JAM3: variants seen among roughly 807,000 people sequenced by gnomAD.
JAM3 encodes the protein junctional adhesion molecule 3.
Under a neutral mutation model 39.4 loss-of-function variants are expected in JAM3, and 31 were observed. The observed-to-expected ratio is 0.79, with a 90% CI of 0.59 to 1.06. JAM3 has a LOEUF of 1.06. JAM3 is among the 50% of genes least tolerant of loss of function. The pLI is 0.00. For synonymous variants in JAM3, 182 were observed against 148.7 expected, an observed-to-expected ratio of 1.22 and a Z score of -1.63; for missense variants, 455 against 391.4, an observed-to-expected ratio of 1.16 and a Z score of -1.37.
At chr11:134,076,843 T>G (rs1275058804) in intron 1 of JAM3, among the ~76,000 whole-genome samples, 2 of 149,270 alleles carry the variant, frequency 1.3e-5, no homozygotes, top group African/African-American at 4.9e-5. Flanking sequence ...CTTTTTTTTT[T>G]TTTTTTTTTT....
chr11:134,092,051 C>G (rs1784500), intron 1 of JAM3, among the ~76,000 whole-genome samples: 2 of 151,866 alleles, frequency 1.3e-5, no homozygotes, highest in Non-Finnish European at 2.9e-5. Context: ...CTCTTTTCAT[C>G]CCCTTTCGCA....
chr11:134,130,076 A>G (rs1370701031), intron 1 of JAM3, among the ~76,000 whole-genome samples: 1 of 152,194 alleles, frequency 6.6e-6, no homozygotes, highest in Non-Finnish European at 1.5e-5. Context: ...CAGAGTTTTG[A>G]AGATGGAATT....
intron 1 of JAM3, among the ~76,000 whole-genome samples, chr11:134,106,955 C>G (rs1942203102): frequency 6.6e-6 from 1 of 152,130 alleles, no homozygotes; most frequent in African/African-American, 2.4e-5. Flanking sequence ...CTAGAAATAC[C>G]TTTTGACCCA....
intron 1 of JAM3, among the ~76,000 whole-genome samples, chr11:134,117,474 G>A (rs893184030): frequency 6.6e-6 from 1 of 152,182 alleles, no homozygotes; most frequent in Admixed American, 6.5e-5. Flanking sequence ...TTTGCAGTCT[G>A]TTCTACCTCA....
At chr11:134,126,148 C>T (rs1212519859) in intron 1 of JAM3, among the ~76,000 whole-genome samples, 2 of 152,132 alleles carry the variant, frequency 1.3e-5, no homozygotes, top group Non-Finnish European at 2.9e-5. Flanking sequence ...CATAGATTTT[C>T]CTTGTGGACA....
rs28765193 is a variant in JAM3, at chr11:134,106,603, G to A, written c.77-33248G>A. ...TTTGCAATCAACTCATCTGACAAAG[G>A]GCTAATATCTAGAATCTACAAAGAA... is the stretch of plus-strand genomic sequence containing the variant. On this transcript the variant is annotated intron_variant, in intron 1 of 8. Transcript: ENST00000299106. 8.0e-3 allele frequency among the ~76,000 whole-genome samples: 1,221 copies of A among 152,202 alleles called. 11 individuals carry two copies. The highest frequency in any genetic ancestry group is 0.028 in the African/African-American group (1,145 of 41,500).
At chr11:134,134,097 T>G (rs1205268464) in intron 1 of JAM3, among the ~76,000 whole-genome samples, 1 of 151,224 alleles carries the variant, frequency 6.6e-6, no homozygotes, top group Non-Finnish European at 1.5e-5. Context: ...ACACTAGAGA[T>G]AAAAAAAACT....
At chr11:134,139,624 G>C (rs773985610) in intron 1 of JAM3, 100 of 559,076 alleles carry the variant, frequency 1.8e-4, no homozygotes, top group Non-Finnish European at 3.0e-4. Flanking sequence ...AAAGGAGAAG[G>C]AATTCTTAGA....
At chr11:134,096,152 T>A (rs1941978878) in intron 1 of JAM3, among the ~76,000 whole-genome samples, 1 of 152,124 alleles carries the variant, frequency 6.6e-6, no homozygotes, top group African/African-American at 2.4e-5. Context: ...GAGTTTTGTA[T>A]TTTTAGTAGA....
chr11:134,106,089 C>G (rs931986491), intron 1 of JAM3, among the ~76,000 whole-genome samples: 1 of 152,182 alleles, frequency 6.6e-6, no homozygotes, highest in Admixed American at 6.5e-5. Flanking sequence ...TGCTACCTGA[C>G]TTCAAACTAT....
chr11:134,078,469 A>T (rs953994969), intron 1 of JAM3, among the ~76,000 whole-genome samples: 2 of 152,082 alleles, frequency 1.3e-5, no homozygotes, highest in African/African-American at 4.8e-5. Flanking sequence ...ACTCCTACCC[A>T]TCTTTCTGCT....
intron 1 of JAM3, among the ~76,000 whole-genome samples, chr11:134,093,757 C>T (rs1941921523): frequency 2.0e-5 from 2 of 97,702 alleles, no homozygotes; most frequent in African/African-American, 8.1e-5. Flanking sequence ...CATGTTCCAC[C>T]TTACACGTCA....
chr11:134,107,891 A>G (rs1292685977), intron 1 of JAM3, among the ~76,000 whole-genome samples: 3 of 151,910 alleles, frequency 2.0e-5, no homozygotes, highest in Non-Finnish European at 4.4e-5. Flanking sequence ...GAAAAATAGG[A>G]AAAAAAATCA....
intron 1 of JAM3, among the ~76,000 whole-genome samples, chr11:134,079,905 A>T (rs757682284): frequency 8.5e-5 from 13 of 152,244 alleles, no homozygotes; most frequent in Non-Finnish European, 1.6e-4. Context: ...GTAGCCAGGT[A>T]AACTTGGTTT....
At chr11:134,125,013 G>A (rs973644212) in intron 1 of JAM3, among the ~76,000 whole-genome samples, 8 of 152,230 alleles carry the variant, frequency 5.3e-5, no homozygotes, top group African/African-American at 1.9e-4. Context: ...CTCAGCGCGC[G>A]ACACCCGCCC....
chr11:134,075,509 G>A (rs2120569765), intron 1 of JAM3, among the ~76,000 whole-genome samples: 1 of 127,108 alleles, frequency 7.9e-6, no homozygotes, highest in South Asian at 2.3e-4. Context: ...AGTGAGCTTG[G>A]GCTTCTATGA....
intron 6 of JAM3, among the ~76,000 whole-genome samples, chr11:134,147,386 G>A (rs577606348): frequency 3.1e-4 from 45 of 146,992 alleles, no homozygotes; most frequent in African/African-American, 9.6e-4. Flanking sequence ...CCCGGGAGGC[G>A]GAGCTTGCAG....
At chr11:134,092,059 G>A (rs1008907109) in intron 1 of JAM3, among the ~76,000 whole-genome samples, 11 of 151,784 alleles carry the variant, frequency 7.2e-5, no homozygotes, top group South Asian at 2.1e-4. Context: ...ATCCCCTTTC[G>A]CAGAATTCTT....
intron 4 of JAM3, 133 bp downstream of exon 4, chr11:134,144,526 G>C: frequency 1.8e-6 from 2 of 1,113,482 alleles, no homozygotes; most frequent in Non-Finnish European, 2.7e-6. Context: ...ACTGTTGAGA[G>C]CTGAGACTGC....
Sources: gnomAD v4.1 joint callset for allele counts (sites outside exome capture counted in the v4.1 genomes callset) on GRCh38, gnomAD v4.1.1 for gene constraint, MANE v1.5 for transcripts, NCBI Gene and HGNC (gene_info 2026-07-23, HGNC 2026-07-21) for gene names.